TBC1D32: variants seen among roughly 807,000 people sequenced by gnomAD.
The protein encoded by TBC1D32 is TBC1 domain family member 32.
Under a neutral mutation model 170.3 loss-of-function variants are expected in TBC1D32, and 151 were observed. The ratio of observed to expected loss-of-function variants is 0.89; its 90% CI spans 0.78 to 1.01. The LOEUF (loss-of-function observed/expected upper bound fraction) is 1.01. TBC1D32 is among the 50% of genes least tolerant of loss of function. The pLI, the probability that TBC1D32 is intolerant of heterozygous loss-of-function variation, is 0.00. For synonymous variants in TBC1D32, 498 were observed against 488.0 expected (o/e 1.02, Z -0.27); for missense variants, 1,464 against 1,457.1 (o/e 1.00, Z -0.08).
intron 20 of TBC1D32, among the ~76,000 whole-genome samples, chr6:121,231,956 C>A (rs762792231): frequency 6.4e-4 from 98 of 152,170 alleles, no homozygotes; most frequent in Non-Finnish European, 1.2e-3. Context: ...GTTTTTCTTG[C>A]ATTTGCTTTT....
intron 15 of TBC1D32, among the ~76,000 whole-genome samples, chr6:121,274,320 C>A (rs1343580206): frequency 1.3e-5 from 2 of 150,876 alleles, no homozygotes. Context: ...GCGACAGAGT[C>A]ATGAGACTCT....
chr6:121,181,605 T>C (rs1006196747), intron 22 of TBC1D32, among the ~76,000 whole-genome samples: 3 of 152,080 alleles, frequency 2.0e-5, no homozygotes, highest in Non-Finnish European at 4.4e-5. Context: ...AAACATATGA[T>C]TCAGCAATCC....
chr6:121,147,693 G>A (rs144735812), intron 24 of TBC1D32, among the ~76,000 whole-genome samples: 9,867 of 152,070 alleles, frequency 0.065, 624 homozygotes, highest in Admixed American at 0.21. Context: ...CCGGGTTCAC[G>A]CCATTCTCCT....
At chr6:121,281,804 A>G in intron 13 of TBC1D32, 118 bp from the exon 14 acceptor site, 1 of 647,244 alleles carries the variant, frequency 1.5e-6, no homozygotes. Context: ...TTCAAAAGTC[A>G]TACAACTCAA....
At chr6:121,194,971 G>C (rs910777076) in intron 22 of TBC1D32, among the ~76,000 whole-genome samples, 1 of 152,182 alleles carries the variant, frequency 6.6e-6, no homozygotes, top group Non-Finnish European at 1.5e-5. Flanking sequence ...AAAATGTCTA[G>C]GGGTCCAGTG....
chr6:121,219,382 T>A (rs911795362), intron 21 of TBC1D32, among the ~76,000 whole-genome samples: 1 of 152,206 alleles, frequency 6.6e-6, no homozygotes, highest in Non-Finnish European at 1.5e-5. Context: ...TGCAGTTAAC[T>A]GTCTTAAGAC....
chr6:121,302,035 A>G (rs2128476440), intron 9 of TBC1D32, among the ~76,000 whole-genome samples: 1 of 152,326 alleles, frequency 6.6e-6, no homozygotes, highest in South Asian at 2.1e-4. Flanking sequence ...GTTTTCAAAA[A>G]CTATTAATCC....
intron 11 of TBC1D32, among the ~76,000 whole-genome samples, chr6:121,292,745 G>T (rs895026669): frequency 6.6e-6 from 1 of 152,096 alleles, no homozygotes; most frequent in Admixed American, 6.6e-5. Flanking sequence ...ATTGATTAGG[G>T]CGCATATGTA....
At chr6:121,141,825 C>T (rs1304369718) in intron 24 of TBC1D32, among the ~76,000 whole-genome samples, 1 of 151,920 alleles carries the variant, frequency 6.6e-6, no homozygotes, top group Admixed American at 6.6e-5. Context: ...AGGAAAGACA[C>T]AAACCTTTTT....
intron 15 of TBC1D32, among the ~76,000 whole-genome samples, chr6:121,274,370 C>T (rs999363828): frequency 6.7e-6 from 1 of 148,528 alleles, no homozygotes; most frequent in Non-Finnish European, 1.5e-5. Context: ...AAAAAAAAAA[C>T]CCACACAACT....
chr6:121,195,346 G>C (rs1429931660), intron 22 of TBC1D32, among the ~76,000 whole-genome samples: 1 of 152,166 alleles, frequency 6.6e-6, no homozygotes, highest in Non-Finnish European at 1.5e-5. Context: ...GAGGCCTCTA[G>C]GATTTTGGAA....
intron 1 of TBC1D32, among the ~76,000 whole-genome samples, chr6:121,323,004 G>C (rs201867882): frequency 2.0e-5 from 3 of 150,830 alleles, no homozygotes; most frequent in Non-Finnish European, 4.4e-5. Flanking sequence ...ATGAAAAGAA[G>C]AAAAAAAAAG....
At chr6:121,100,730 G>A (rs771922089) in intron 30 of TBC1D32, among the ~76,000 whole-genome samples, 8 of 151,702 alleles carry the variant, frequency 5.3e-5, no homozygotes, top group Non-Finnish European at 7.4e-5. Flanking sequence ...AAGAAATAAC[G>A]AAGATCAGAG....
At chr6:121,222,109 CA>C (rs1204118375) in intron 21 of TBC1D32, among the ~76,000 whole-genome samples, 1 of 152,140 alleles carries the variant, frequency 6.6e-6, no homozygotes, top group African/African-American at 2.4e-5. Flanking sequence ...TCTCCACCAG[CA>C]AAACAGAATA....
intron 22 of TBC1D32, among the ~76,000 whole-genome samples, chr6:121,180,173 T>C (rs889568049): frequency 6.6e-6 from 1 of 152,086 alleles, no homozygotes; most frequent in African/African-American, 2.4e-5. Flanking sequence ...CCACCATTGA[T>C]CTCTAGACTC....
At chr6:121,291,156 AAAAAG>A (rs1307587558) in intron 12 of TBC1D32, among the ~76,000 whole-genome samples, 1 of 151,712 alleles carries the variant, frequency 6.6e-6, no homozygotes, top group Admixed American at 6.7e-5. Context: ...TAATAAAAAA[AAAAAG>A]AAAGAAAGAA....
intron 20 of TBC1D32, among the ~76,000 whole-genome samples, chr6:121,226,289 C>T (rs1400079004): frequency 3.9e-5 from 6 of 152,050 alleles, no homozygotes; most frequent in Non-Finnish European, 7.4e-5. Flanking sequence ...AATGTTCTGA[C>T]TTTACTGCAA....
chr6:121,132,821 A>C (rs1781587228), intron 24 of TBC1D32, among the ~76,000 whole-genome samples: 1 of 151,980 alleles, frequency 6.6e-6, no homozygotes, highest in Non-Finnish European at 1.5e-5. Flanking sequence ...TTTATTTTTA[A>C]AAAATCAACG....
chr6:121,191,268 T>G (rs1045307865), intron 22 of TBC1D32, among the ~76,000 whole-genome samples: 4 of 152,206 alleles, frequency 2.6e-5, no homozygotes, highest in African/African-American at 9.6e-5. Context: ...AACATAAAAG[T>G]TTTCCTTCTG....
Sources: gnomAD v4.1 joint callset for allele counts (sites outside exome capture counted in the v4.1 genomes callset) on GRCh38, gnomAD v4.1.1 for gene constraint, MANE v1.5 for transcripts, NCBI Gene and HGNC (gene_info 2026-07-23, HGNC 2026-07-21) for gene names.